The following ZNF469 variants were observed in gnomAD, a reference collection of about 807,000 sequenced individuals.
The protein encoded by ZNF469 is zinc finger protein 469.
A neutral mutation model predicts 1.0 loss-of-function variants in ZNF469; 1 was observed. The ratio of observed to expected loss-of-function variants is 1.00; its 90% CI spans 0.35 to 4.73. The LOEUF (loss-of-function observed/expected upper bound fraction) is 4.73. ZNF469 is among the 30% of genes most tolerant of loss of function. The pLI is 0.16. For missense variants in ZNF469, 6,100 were observed against 5,356.3 expected, an observed-to-expected ratio of 1.14 and a Z score of -4.33; for synonymous variants, 2,703 against 2,363.4, an observed-to-expected ratio of 1.14 and a Z score of -4.17.
chr16:88,414,443 C>T (rs560578823), intron 1 of ZNF469, among the ~76,000 whole-genome samples: 46 of 152,372 alleles, frequency 3.0e-4, no homozygotes, highest in Middle Eastern at 6.8e-3. Context: ...ACCGCAGACT[C>T]GAGTTGTTGG....
the ZNF469 span, among the ~76,000 whole-genome samples, chr16:88,370,870 G>C: frequency 9.2e-5 from 14 of 152,250 alleles, no homozygotes; most frequent in Admixed American, 5.9e-4. Flanking sequence ...AGCTTGGAAA[G>C]TTTTGCTCAT....
the ZNF469 span, among the ~76,000 whole-genome samples, chr16:88,129,592 G>A: frequency 1.3e-5 from 2 of 152,360 alleles, no homozygotes; most frequent in Non-Finnish European, 2.9e-5. Context: ...GGTGGTTCAT[G>A]CCTATAATCC....
At chr16:88,410,686 A>G (rs12596231) in intron 1 of ZNF469, among the ~76,000 whole-genome samples, 144,217 of 147,564 alleles carry the variant, frequency 0.98, 70,454 homozygotes, top group East Asian at 0.99. Context: ...AGAAGTTCAC[A>G]GTGCAGGTCA....
chr16:88,338,280 C>A, the ZNF469 span, among the ~76,000 whole-genome samples: 1 of 150,050 alleles, frequency 6.7e-6, no homozygotes, highest in Non-Finnish European at 1.5e-5. Flanking sequence ...CAGTACCCAG[C>A]GGTGGTCCTG....
At chr16:88,212,343 C>A in the ZNF469 span, among the ~76,000 whole-genome samples, 3 of 152,202 alleles carry the variant, frequency 2.0e-5, no homozygotes, top group Non-Finnish European at 4.4e-5. Context: ...TTCACTTATA[C>A]ACAGTGTCTC....
upstream of ZNF469, among the ~76,000 whole-genome samples, chr16:88,380,188 C>A (rs1027694808): frequency 3.3e-5 from 5 of 151,680 alleles, no homozygotes; most frequent in African/African-American, 1.2e-4. Flanking sequence ...CACAAATGCA[C>A]TCACACACAG....
chr16:88,346,092 G>A, the ZNF469 span, among the ~76,000 whole-genome samples: 6 of 152,340 alleles, frequency 3.9e-5, no homozygotes, highest in African/African-American at 1.4e-4. Context: ...CTTCACAGCC[G>A]AGAGCATTAC....
the ZNF469 span, among the ~76,000 whole-genome samples, chr16:88,240,685 TAACC>T: frequency 3.3e-5 from 5 of 152,016 alleles, no homozygotes; most frequent in African/African-American, 1.2e-4. Flanking sequence ...TAGGGGAAAT[TAACC>T]GCTCCAGGTG....
chr16:88,433,488 G>C lies in ZNF469; in HGVS notation c.6018G>C (p.Gly2006=), dbSNP rs1906344823. The C allele has an allele frequency of 4.5e-6, 7 of 1,550,386 alleles. No individual in the cohort carries two copies. The East Asian group carries it at 1.7e-4, about 38-fold the overall frequency. The change falls in exon 3 of 3, where the codon GGG becomes GGC. Residue 2006 remains glycine, a synonymous_variant. Coordinates refer to ENST00000565624, the MANE Select transcript of ZNF469 (RefSeq NM_001367624.2). ...CCAACCAGCTTCAGCCAGAGAACGG[G>C]GTGAGCCCAGGGGGCACGGACAACC... The part of the protein sequence containing the change: ...GTANQLQPEN[G]VSPGGTDNHA...
the ZNF469 span, among the ~76,000 whole-genome samples, chr16:88,202,552 G>A: frequency 3.9e-5 from 6 of 152,322 alleles, no homozygotes; most frequent in South Asian, 2.1e-4. Context: ...GACCCAGGGC[G>A]GGGCAGGTGC....
chr16:88,248,525 C>A, the ZNF469 span, among the ~76,000 whole-genome samples: 2 of 143,254 alleles, frequency 1.4e-5, no homozygotes, highest in Non-Finnish European at 3.0e-5. Context: ...TAGTGAGACC[C>A]CTGTCTCAAA....
chr16:88,421,523 G>A (rs574332106), intron 1 of ZNF469, among the ~76,000 whole-genome samples: 5 of 152,282 alleles, frequency 3.3e-5, no homozygotes, highest in Admixed American at 1.3e-4. Context: ...ACGCGTCCCC[G>A]AGCCCCTGGA....
chr16:88,240,593 A>G, the ZNF469 span, among the ~76,000 whole-genome samples: 1 of 152,116 alleles, frequency 6.6e-6, no homozygotes, highest in African/African-American at 2.4e-5. Context: ...GAGCGAGAGA[A>G]GCGTCTCTGG....
At chr16:88,269,390 C>A in the ZNF469 span, among the ~76,000 whole-genome samples, 147 of 152,288 alleles carry the variant, frequency 9.7e-4, no homozygotes, top group African/African-American at 3.3e-3. Flanking sequence ...CCCTGGCGGC[C>A]GGGCCTGTGG....
the ZNF469 span, among the ~76,000 whole-genome samples, chr16:88,168,934 A>G: frequency 6.6e-6 from 1 of 152,034 alleles, no homozygotes; most frequent in Non-Finnish European, 1.5e-5. This position sits in a 1 kb window ranked among gnomAD's most constrained non-coding sequence, Gnocchi z 4.3. Context: ...CCCCCTCTAC[A>G]AAAAATAAGA....
At position 88,434,888 on chromosome 16, in the gene ZNF469, C is replaced by T. The variant is rs1041732051; in HGVS notation, c.7418C>T (p.Thr2473Ile). 6.5e-7 allele frequency: 1 copy of T among 1,550,370 alleles called. No homozygotes were observed. The highest frequency in any genetic ancestry group is 1.7e-4 in the Middle Eastern group (1 of 5,990). The part of the protein sequence containing the change: ...WKGQAPHGPV[T>I]CEVCAASFRS... ...GGCCAAGCTCCACATGGGCCTGTGACCTGTGAGGTCTGCGCAGCCTCCTTC... is the reference window on the plus strand; with the variant it reads ...GGCCAAGCTCCACATGGGCCTGTGATCTGTGAGGTCTGCGCAGCCTCCTTC... The change falls in exon 3 of 3, where the codon ACC (threonine) becomes ATC (isoleucine). Residue 2473 changes from threonine to isoleucine, a missense_variant. By Grantham distance (89) the Thr-to-Ile change is moderately conservative. Transcript: ENST00000565624.
chr16:88,402,825 G>C (rs1904920964), intron 1 of ZNF469, among the ~76,000 whole-genome samples: 1 of 152,316 alleles, frequency 6.6e-6, no homozygotes, highest in Non-Finnish European at 1.5e-5. Context: ...CATCTTACCA[G>C]TGCGGAAACC....
At chr16:88,256,819 G>T in the ZNF469 span, among the ~76,000 whole-genome samples, 1 of 144,334 alleles carries the variant, frequency 6.9e-6, no homozygotes, top group African/African-American at 2.5e-5. Flanking sequence ...GTGGTGAGGA[G>T]CCTCTTTTCT....
the ZNF469 span, among the ~76,000 whole-genome samples, chr16:88,129,429 A>G: frequency 5.0e-5 from 5 of 99,138 alleles, no homozygotes; most frequent in Non-Finnish European, 1.4e-4. Flanking sequence ...TACTTTGCAC[A>G]TACCGTTTTT....
Sources: allele counts gnomAD v4.1 joint callset (sites outside exome capture counted in the v4.1 genomes callset), GRCh38; gene constraint gnomAD v4.1.1; non-coding constraint Gnocchi (gnomAD v3.1); transcripts MANE v1.5; gene names NCBI Gene and HGNC (gene_info 2026-07-23, HGNC 2026-07-21).